COG5: variants seen among roughly 807,000 people sequenced by gnomAD.
The protein encoded by COG5 is conserved oligomeric Golgi complex subunit 5.
A neutral mutation model predicts 110.4 loss-of-function variants in COG5; 86 were observed. The observed-to-expected ratio is 0.78, with a 90% confidence interval of 0.65 to 0.93. The LOEUF (loss-of-function observed/expected upper bound fraction) is 0.93. Among genes scored for constraint, COG5 ranks in the 40% least tolerant of loss-of-function variants. COG5 has a pLI of 0.00. For synonymous variants in COG5, 360 were observed against 334.6 expected (o/e 1.08, Z -0.83); for missense variants, 1,077 against 987.0 (o/e 1.09, Z -1.22).
intron 6 of COG5, among the ~76,000 whole-genome samples, chr7:107,415,925 T>TAC (rs1202766690): frequency 8.9e-6 from 1 of 112,712 alleles, no homozygotes; most frequent in East Asian, 2.6e-4. Context: ...TGTGTGTATA[T>TAC]ACACACACAT....
chr7:107,432,258 C>T (rs2129080473), intron 6 of COG5, among the ~76,000 whole-genome samples: 1 of 152,144 alleles, frequency 6.6e-6, no homozygotes, highest in East Asian at 1.9e-4. Flanking sequence ...GTGAAAAGAC[C>T]ATAATGTTCT....
intron 6 of COG5, among the ~76,000 whole-genome samples, chr7:107,419,855 A>G (rs551364192): frequency 6.6e-6 from 1 of 152,362 alleles, no homozygotes; most frequent in Admixed American, 6.5e-5. Context: ...GGCGTGAGCC[A>G]CTTTGCCTGG....
At chr7:107,476,194 A>G (rs1169852867) in intron 6 of COG5, among the ~76,000 whole-genome samples, 17 of 102,902 alleles carry the variant, frequency 1.7e-4, no homozygotes, top group African/African-American at 4.8e-4. Flanking sequence ...TAAAAAAAAA[A>G]AAAAAAAAAA....
intron 19 of COG5, among the ~76,000 whole-genome samples, chr7:107,224,793 T>G (rs1800200173): frequency 6.6e-6 from 1 of 152,222 alleles, no homozygotes; most frequent in Non-Finnish European, 1.5e-5. Flanking sequence ...GTGGGTCTTG[T>G]GTAGAAATAC....
At position 107,258,582 on chromosome 7, in the gene COG5, T is replaced by A. The variant is rs1008207347; in HGVS notation, c.1576-199A>T. Reference sequence around the variant, plus strand: ...TTTGGACTTGAGGTAAAACCAGCAATCTGTGTAGAGAAAACACCATGGATG... The same window carrying A: ...TTTGGACTTGAGGTAAAACCAGCAAACTGTGTAGAGAAAACACCATGGATG... On this transcript the variant is annotated intron_variant, in intron 14 of 21. Coordinates refer to ENST00000297135, the MANE Select transcript of COG5 (RefSeq NM_006348.5). The A allele has an allele frequency of 1.5e-5, 9 of 606,782 alleles. No individual in the cohort carries two copies. In the African/African-American group the frequency reaches 1.7e-4, roughly 11 times the overall value. 37.6% of individuals were successfully genotyped at this position (606,782 alleles called of 1,614,324 possible). A position where few individuals can be genotyped will look rare whatever the true frequency, so the allele number is the denominator to read the frequency against.
At chr7:107,371,545 C>T (rs1179783236) in intron 8 of COG5, among the ~76,000 whole-genome samples, 1 of 152,096 alleles carries the variant, frequency 6.6e-6, no homozygotes, top group Non-Finnish European at 1.5e-5. Context: ...ATTCCATCAA[C>T]CCTGTGATGG....
At chr7:107,502,126 T>C (rs1302164162) in intron 6 of COG5, among the ~76,000 whole-genome samples, 1 of 152,148 alleles carries the variant, frequency 6.6e-6, no homozygotes, top group Non-Finnish European at 1.5e-5. Flanking sequence ...ACAAGTAGTG[T>C]ACTTTGTACC....
chr7:107,554,387 T>TA (rs1330406381), intron 2 of COG5, 45 bp from the exon 3 acceptor site: 7 of 1,537,804 alleles, frequency 4.6e-6, no homozygotes, highest in Non-Finnish European at 6.3e-6. Flanking sequence ...TGTTAGGTAT[T>TA]CTTCCTTGTA....
At chr7:107,511,080 C>T (rs181122879) in intron 6 of COG5, among the ~76,000 whole-genome samples, 3 of 146,686 alleles carry the variant, frequency 2.0e-5, no homozygotes, top group Non-Finnish European at 3.0e-5. Context: ...CACAAAATAC[C>T]GTTCAAAAAA....
chr7:107,517,899 T>C (rs1013216964), intron 6 of COG5, among the ~76,000 whole-genome samples: 1 of 152,070 alleles, frequency 6.6e-6, no homozygotes, highest in Non-Finnish European at 1.5e-5. Flanking sequence ...GGTTTCACTA[T>C]GTTGGTCAGG....
In COG5 at chr7:107,256,723, T is replaced by A. The variant is rs1339588132; in HGVS notation, c.1749+9A>T. 6.3e-7 allele frequency: 1 copy of A among 1,595,536 alleles called. No homozygotes were observed. The highest frequency in any genetic ancestry group is 8.6e-7 in the Non-Finnish European group (1 of 1,164,550). On this transcript the variant is annotated intron_variant, in intron 16 of 21. Transcript: ENST00000297135. The stretch of plus-strand genomic sequence containing the variant: ...TTGATCTATAGAGTCAAAGATTAAA[T>A]TCTTTTACCTTTAGAGCTGAAATTA...
Position 107,203,621 on chromosome 7 carries a change from C to T in COG5, c.2385G>A (p.Leu795=), listed in dbSNP as rs1374319443. 2 of 1,612,478 alleles carry T rather than the reference C, an allele frequency of 1.2e-6. No homozygotes were observed. The highest frequency in any genetic ancestry group is 2.7e-5 in the African/African-American group (2 of 74,910). ...TTCTCACTGATTGAACATAAGCTTC[C>T]AGGGCTCCCCTGAAAACCAAAATGA... The part of the protein sequence containing the change: ...KDRLLLIRGA[L]EAYVQSVRSR... The change falls in exon 22 of 22, where the codon CTG becomes CTA. Residue 795 remains leucine (L), a synonymous_variant. Transcript: ENST00000297135.
In COG5 at chr7:107,339,486, G is replaced by A. The variant is rs114300460; in HGVS notation, c.1027-14965C>T. Among the ~76,000 whole-genome samples the A allele has an allele frequency of 2.7e-3, 415 of 151,934 alleles. 4 individuals are homozygous for A. The highest frequency in any genetic ancestry group is 9.8e-3 in the African/African-American group (408 of 41,444). On this transcript the variant is annotated intron_variant, in intron 10 of 21. Transcript: ENST00000297135. ...ATCATGGAGGTAGAAAACTAACAAA[G>A]AAATTCTGGACTTAAGTTCAGCACT...
intron 8 of COG5, among the ~76,000 whole-genome samples, chr7:107,371,825 G>C (rs1261913066): frequency 6.6e-6 from 1 of 152,192 alleles, no homozygotes; most frequent in Non-Finnish European, 1.5e-5. Context: ...TGTAGTGATG[G>C]GATCTAATAC....
chr7:107,228,466 A>G (rs1185273978), intron 19 of COG5, among the ~76,000 whole-genome samples: 2 of 152,128 alleles, frequency 1.3e-5, no homozygotes. Context: ...TTGCTGTGTT[A>G]CCATCTTACT....
intron 12 of COG5, among the ~76,000 whole-genome samples, chr7:107,286,872 T>C (rs1431339925): frequency 2.0e-5 from 3 of 152,184 alleles, no homozygotes; most frequent in Admixed American, 2.0e-4. Context: ...CTGATCGCTA[T>C]ACATGTATCA....
intron 10 of COG5, among the ~76,000 whole-genome samples, chr7:107,358,284 A>G (rs1465936490): frequency 6.6e-6 from 1 of 152,226 alleles, no homozygotes; most frequent in Non-Finnish European, 1.5e-5. Flanking sequence ...GACTAAATAG[A>G]TTCATTTGTG....
chr7:107,216,900 A>C (rs942897185), intron 19 of COG5, among the ~76,000 whole-genome samples: 4 of 152,184 alleles, frequency 2.6e-5, no homozygotes, highest in Non-Finnish European at 5.9e-5. Flanking sequence ...GCAGAAATAA[A>C]TACAGACTAG....
chr7:107,455,275 G>A (rs796222442), intron 6 of COG5, among the ~76,000 whole-genome samples: 13 of 152,208 alleles, frequency 8.5e-5, no homozygotes, highest in African/African-American at 3.1e-4. Flanking sequence ...TCCACAAAGT[G>A]GGTTTAGGCT....
Sources: allele counts gnomAD v4.1 joint callset (sites outside exome capture counted in the v4.1 genomes callset), GRCh38; gene constraint gnomAD v4.1.1; transcripts MANE v1.5; gene names NCBI Gene and HGNC (gene_info 2026-07-23, HGNC 2026-07-21).